Variants in RANBP2 observed in about 807,000 individuals in gnomAD.
RANBP2 encodes the protein RAN binding protein 2, also known as E3 SUMO-protein ligase RanBP2.
Under a neutral mutation model 303.6 loss-of-function variants are expected in RANBP2, and 57 were observed. That is an observed-to-expected ratio of 0.19 (90% CI 0.15 to 0.23). RANBP2 has a LOEUF of 0.23. Ranked by LOEUF, RANBP2 falls within the 10% of genes least tolerant of loss-of-function variation. The pLI is 1.00. For missense variants in RANBP2, 3,138 were observed against 3,780.8 expected, an observed-to-expected ratio of 0.83 and a Z score of 4.46; for synonymous variants, 1,167 against 1,301.5, an observed-to-expected ratio of 0.90 and a Z score of 2.23.
chr2:109,544,930 A>AAAAC, the RANBP2 span: 29 of 982,264 alleles, frequency 3.0e-5, no homozygotes, highest in Non-Finnish European at 3.1e-5. Flanking sequence ...CTTTTCCAAA[A>AAAAC]AAACAAACAA....
the RANBP2 span, among the ~76,000 whole-genome samples, chr2:109,592,178 A>G: frequency 6.6e-6 from 1 of 151,380 alleles, no homozygotes; most frequent in Non-Finnish European, 1.5e-5. Flanking sequence ...CAAAAAACAA[A>G]TAACGGCCGG....
At chr2:109,303,683 T>C in the RANBP2 span, among the ~76,000 whole-genome samples, 1 of 152,230 alleles carries the variant, frequency 6.6e-6, no homozygotes, top group Non-Finnish European at 1.5e-5. Context: ...GGTTTTGTTT[T>C]GCTTGGTATT....
At chr2:109,584,453 T>C in the RANBP2 span, among the ~76,000 whole-genome samples, 23 of 118,806 alleles carry the variant, frequency 1.9e-4, no homozygotes, top group African/African-American at 7.9e-4. Flanking sequence ...CCAGACTGGG[T>C]GACAGAGCGA....
At chr2:108,811,247 C>CTTTTTTTTTTTTTTTTTTTTTTTTTT in the RANBP2 span, among the ~76,000 whole-genome samples, 6 of 113,898 alleles carry the variant, frequency 5.3e-5, no homozygotes, top group African/African-American at 1.1e-4. Context: ...TTCTCTCTCT[C>CTTTTTTTTTTTTTTTTTTTTTTTTTT]TTTTTTTTTT....
chr2:109,296,905 A>C, the RANBP2 span, among the ~76,000 whole-genome samples: 1 of 152,172 alleles, frequency 6.6e-6, no homozygotes, highest in Admixed American at 6.5e-5. Context: ...TTTTAAACAC[A>C]GGAGTGTGGA....
the RANBP2 span, among the ~76,000 whole-genome samples, chr2:108,871,487 G>C: frequency 5.9e-5 from 9 of 151,986 alleles, no homozygotes; most frequent in South Asian, 1.9e-3. Flanking sequence ...AGAGGGAGGA[G>C]GCTTCAGTGA....
the RANBP2 span, among the ~76,000 whole-genome samples, chr2:109,124,835 C>T: frequency 3.3e-4 from 50 of 152,288 alleles, no homozygotes; most frequent in Middle Eastern, 6.8e-3. Context: ...CAACCCCACA[C>T]GGTGCAATGC....
chr2:108,829,434 A>G, the RANBP2 span, among the ~76,000 whole-genome samples: 1 of 152,226 alleles, frequency 6.6e-6, no homozygotes, highest in Non-Finnish European at 1.5e-5. Flanking sequence ...GTAAGATACC[A>G]CTTAACACCT....
the RANBP2 span, among the ~76,000 whole-genome samples, chr2:109,484,309 C>T: frequency 8.5e-5 from 13 of 152,204 alleles, no homozygotes; most frequent in Non-Finnish European, 1.6e-4. Flanking sequence ...TGAGGTGATC[C>T]GTCCACCTTG....
the RANBP2 span, among the ~76,000 whole-genome samples, chr2:109,122,067 T>G: frequency 6.6e-6 from 1 of 152,210 alleles, no homozygotes; most frequent in Non-Finnish European, 1.5e-5. Flanking sequence ...ACAAAGCAAC[T>G]GTGCTACATG....
At chr2:109,559,145 C>G in the RANBP2 span, among the ~76,000 whole-genome samples, 1 of 152,138 alleles carries the variant, frequency 6.6e-6, no homozygotes, top group African/African-American at 2.4e-5. Flanking sequence ...CTTGGCCTCC[C>G]AAAGTACTGA....
the RANBP2 span, among the ~76,000 whole-genome samples, chr2:109,041,711 T>C: frequency 4.9e-4 from 66 of 134,654 alleles, no homozygotes; most frequent in African/African-American, 2.0e-3. Flanking sequence ...TTTTTTTTTT[T>C]GGTATTTTTA....
chr2:109,063,046 C>T, the RANBP2 span, among the ~76,000 whole-genome samples: 1 of 152,180 alleles, frequency 6.6e-6, no homozygotes, highest in Admixed American at 6.5e-5. Flanking sequence ...TTCTTGGCAG[C>T]GCCTTCCTCG....
chr2:109,125,199 G>A, the RANBP2 span, among the ~76,000 whole-genome samples: 6 of 152,244 alleles, frequency 3.9e-5, no homozygotes, highest in East Asian at 1.9e-4. Flanking sequence ...CTGAACTCTC[G>A]GTGCTTCCTC....
chr2:109,613,358 G>A, the RANBP2 span: 1 of 354,054 alleles, frequency 2.8e-6, no homozygotes, highest in African/African-American at 2.1e-5. Context: ...AAACGGGAGA[G>A]CTTTTGAAAA....
the RANBP2 span, among the ~76,000 whole-genome samples, chr2:109,524,286 A>C: frequency 6.6e-6 from 1 of 152,060 alleles, no homozygotes; most frequent in East Asian, 1.9e-4. Context: ...CACTGTAAGG[A>C]CGGCTCAGTG....
the RANBP2 span, among the ~76,000 whole-genome samples, chr2:109,422,875 G>T: frequency 6.6e-6 from 1 of 152,142 alleles, no homozygotes; most frequent in Non-Finnish European, 1.5e-5. Flanking sequence ...TACCCTGCAG[G>T]AGCCATCCGA....
the RANBP2 span, among the ~76,000 whole-genome samples, chr2:108,921,655 C>T: frequency 6.6e-6 from 1 of 152,198 alleles, no homozygotes; most frequent in African/African-American, 2.4e-5. Context: ...TTGCTGACTG[C>T]TGGGCAGGTG....
chr2:109,247,334 C>T, the RANBP2 span, among the ~76,000 whole-genome samples: 2 of 152,112 alleles, frequency 1.3e-5, no homozygotes, highest in Non-Finnish European at 2.9e-5. Flanking sequence ...TCTCTGCAGC[C>T]CCTCCCTGAA....
Sources: allele counts gnomAD v4.1 joint callset (sites outside exome capture counted in the v4.1 genomes callset), GRCh38; gene constraint gnomAD v4.1.1; transcripts MANE v1.5; gene names NCBI Gene and HGNC (gene_info 2026-07-23, HGNC 2026-07-21).